The following B3GLCT variants were observed in gnomAD, a reference collection of about 807,000 sequenced individuals.
B3GLCT encodes the protein beta-1,3-glucosyltransferase.
A neutral mutation model predicts 63.4 loss-of-function variants in B3GLCT; 65 were observed. The observed-to-expected ratio is 1.03, with a 90% CI of 0.84 to 1.26. The LOEUF (loss-of-function observed/expected upper bound fraction) is 1.26, where lower values mean the gene tolerates loss of function less well. Ranked by LOEUF, B3GLCT falls within the 50% of genes most tolerant of loss-of-function variation. B3GLCT has a pLI of 0.00. For missense variants in B3GLCT, 577 were observed against 604.8 expected, an observed-to-expected ratio of 0.95 and a Z score of 0.48; for synonymous variants, 233 against 219.2, an observed-to-expected ratio of 1.06 and a Z score of -0.55.
chr13:31,263,006 C>T (rs1453168500), intron 7 of B3GLCT, among the ~76,000 whole-genome samples: 2 of 152,182 alleles, frequency 1.3e-5, no homozygotes, highest in Non-Finnish European at 2.9e-5. Flanking sequence ...TCTTGCCTGC[C>T]CTGTAAAGTG....
intron 1 of B3GLCT, among the ~76,000 whole-genome samples, chr13:31,209,091 G>A (rs941215290): frequency 2.0e-5 from 3 of 152,308 alleles, no homozygotes; most frequent in Non-Finnish European, 4.4e-5. Flanking sequence ...AATAAAATCC[G>A]ATGCCCCTTA....
chr13:31,213,637 A>G (rs1046727612), intron 1 of B3GLCT, among the ~76,000 whole-genome samples: 19 of 6,612 alleles, frequency 2.9e-3, no homozygotes, highest in Non-Finnish European at 4.9e-3. Flanking sequence ...CCCCCCCGCC[A>G]AAACTCACTA....
At chr13:31,201,731 T>A (rs1868678710) in intron 1 of B3GLCT, among the ~76,000 whole-genome samples, 1 of 152,202 alleles carries the variant, frequency 6.6e-6, no homozygotes, top group Non-Finnish European at 1.5e-5. Flanking sequence ...TGCACATTTG[T>A]ATTGCTGTGT....
intron 1 of B3GLCT, among the ~76,000 whole-genome samples, chr13:31,213,144 G>A (rs1593247802): frequency 6.6e-6 from 1 of 152,190 alleles, no homozygotes; most frequent in East Asian, 1.9e-4. Flanking sequence ...CTGGGTAGGC[G>A]CTGCCTGGTA....
chr13:31,273,584 G>A (rs975463423), intron 8 of B3GLCT, among the ~76,000 whole-genome samples: 21 of 151,776 alleles, frequency 1.4e-4, no homozygotes, highest in African/African-American at 3.6e-4. Flanking sequence ...GCTCTTGTTC[G>A]TTATCTTATT....
At chr13:31,257,288 T>C (rs549858895) in intron 6 of B3GLCT, among the ~76,000 whole-genome samples, 3 of 152,264 alleles carry the variant, frequency 2.0e-5, no homozygotes, top group Admixed American at 2.0e-4. Flanking sequence ...TTATACAAGC[T>C]ATATTGGCAT....
At chr13:31,229,537 G>C (rs973864163) in intron 4 of B3GLCT, among the ~76,000 whole-genome samples, 1 of 152,178 alleles carries the variant, frequency 6.6e-6, no homozygotes, top group African/African-American at 2.4e-5. Flanking sequence ...CTTGACGTCA[G>C]GCATTGGAGA....
At chr13:31,200,865 T>C (rs945961462) in intron 1 of B3GLCT, among the ~76,000 whole-genome samples, 5 of 152,208 alleles carry the variant, frequency 3.3e-5, no homozygotes, top group African/African-American at 4.8e-5. Flanking sequence ...CTGTCTCGGG[T>C]CTCCGCTGGG....
chr13:31,222,288 G>A (rs1422254075), intron 2 of B3GLCT, among the ~76,000 whole-genome samples: 2 of 151,968 alleles, frequency 1.3e-5, no homozygotes, highest in Non-Finnish European at 2.9e-5. Context: ...GTATTGGCCA[G>A]GCTGGTCTTG....
intron 12 of B3GLCT, among the ~76,000 whole-genome samples, chr13:31,290,678 A>G (rs1444423386): frequency 2.0e-5 from 3 of 152,124 alleles, no homozygotes; most frequent in Non-Finnish European, 2.9e-5. Flanking sequence ...GCGTCTGTTC[A>G]TATCCTTTGT....
intron 12 of B3GLCT, among the ~76,000 whole-genome samples, chr13:31,317,284 CA>C (rs1172033514): frequency 6.6e-6 from 1 of 152,232 alleles, no homozygotes; most frequent in Non-Finnish European, 1.5e-5. Context: ...CCACACAAAT[CA>C]GGCAGCCGTA....
At chr13:31,314,465 G>A (rs184664777) in intron 12 of B3GLCT, among the ~76,000 whole-genome samples, 283 of 152,310 alleles carry the variant, frequency 1.9e-3, no homozygotes, top group African/African-American at 6.4e-3. Context: ...GATCCTTTTG[G>A]AACTTTAAGA....
At chr13:31,308,362 A>AAAACAAAAAAAC (rs1555254600) in intron 12 of B3GLCT, among the ~76,000 whole-genome samples, 1 of 61,878 alleles carries the variant, frequency 1.6e-5, no homozygotes, top group Non-Finnish European at 3.6e-5. Context: ...AAAAAAAAAC[A>AAAACAAAAAAAC]AAAAAAAAAG....
In B3GLCT at chr13:31,284,320, G is replaced by C. The variant is rs17075806; in HGVS notation, c.851-328G>C. Among the ~76,000 whole-genome samples, 1,749 of 152,206 alleles carry C rather than the reference G, an allele frequency of 0.011. 67 individuals carry two copies. Among genetic ancestry groups the C allele is most frequent in the East Asian group, 0.069 (359 of 5,180 alleles). ...AGAGGGATGGATTTTCTCTTACCGT[G>C]CTCCGTGGTAAAAGAAAAATTAGTT... On this transcript the variant is annotated intron_variant, in intron 10 of 14. Coordinates refer to ENST00000343307, the MANE Select transcript of B3GLCT (RefSeq NM_194318.4).
At chr13:31,223,886 T>A (rs1869957076) in intron 3 of B3GLCT, among the ~76,000 whole-genome samples, 1 of 152,108 alleles carries the variant, frequency 6.6e-6, no homozygotes, top group African/African-American at 2.4e-5. Context: ...ACCTCCAGTT[T>A]CATGATGGAT....
chr13:31,281,891 T>C (rs1304829815), intron 10 of B3GLCT, among the ~76,000 whole-genome samples: 2 of 152,186 alleles, frequency 1.3e-5, no homozygotes, highest in Non-Finnish European at 2.9e-5. Context: ...GTCACCTCCC[T>C]GGGGGTAAAA....
intron 6 of B3GLCT, among the ~76,000 whole-genome samples, chr13:31,257,565 G>A (rs1871805373): frequency 6.6e-6 from 1 of 151,922 alleles, no homozygotes; most frequent in Non-Finnish European, 1.5e-5. Flanking sequence ...CATATGTTCA[G>A]TTATGACCTG....
At position 31,274,586 on chromosome 13, in the gene B3GLCT, C is replaced by T. The variant is rs773673455; in HGVS notation, c.738C>T (p.Asp246=). Residue 246 remains aspartate (D), a synonymous_variant, in exon 9 of 15, where the codon GAC becomes GAT. Transcript: ENST00000343307. ...PVPEFCTNDV[D]FYCATTFHSF... ...CTGAGTTTTGTACCAATGACGTGGA[C>T]TTCTACTGTGCTACCACATTCCATT... 3.1e-6 allele frequency: 5 copies of T among 1,614,206 alleles called. No individual in the cohort carries two copies. The highest frequency in any genetic ancestry group is 3.3e-5 in the Admixed American group (2 of 60,026).
intron 4 of B3GLCT, among the ~76,000 whole-genome samples, chr13:31,232,338 T>C (rs551419952): frequency 2.0e-5 from 3 of 152,322 alleles, no homozygotes; most frequent in Admixed American, 2.0e-4. Context: ...TGACAGCTTC[T>C]GGGGAGGCCT....
Sources: gnomAD v4.1 joint callset for allele counts (sites outside exome capture counted in the v4.1 genomes callset) on GRCh38, gnomAD v4.1.1 for gene constraint, MANE v1.5 for transcripts, NCBI Gene and HGNC (gene_info 2026-07-23, HGNC 2026-07-21) for gene names.